The following PBX1 variants were observed in gnomAD, a reference collection of about 807,000 sequenced individuals.
The protein encoded by PBX1 is pre-B-cell leukemia transcription factor 1.
PBX1 carries 6 observed loss-of-function variants against 53.4 expected under a neutral mutation model. The observed-to-expected ratio is 0.11, with a 90% CI of 0.06 to 0.22. PBX1 has a LOEUF of 0.22. PBX1 is among the 10% of genes least tolerant of loss of function. The pLI is 1.00. For missense variants in PBX1, 251 were observed against 551.4 expected (o/e 0.46, Z 5.46); for synonymous variants, 204 against 212.3 (o/e 0.96, Z 0.34).
intron 2 of PBX1, among the ~76,000 whole-genome samples, chr1:164,587,098 T>C (rs1448178706): frequency 6.6e-6 from 1 of 152,210 alleles, no homozygotes; most frequent in Non-Finnish European, 1.5e-5. Flanking sequence ...TGTGTGTGTG[T>C]CCCTGTTTCT....
At chr1:164,799,949 C>T (rs1231374418) in intron 4 of PBX1, 60 bp downstream of exon 4, 1 of 1,467,912 alleles carries the variant, frequency 6.8e-7, no homozygotes, top group Admixed American at 1.8e-5. Flanking sequence ...GGGCTGGAGT[C>T]CACAGCCGCT....
intron 1 of PBX1, chr1:164,560,228 A>T: frequency 2.1e-6 from 1 of 483,358 alleles, no homozygotes; most frequent in Non-Finnish European, 3.7e-6. Context: ...GGCTGTGTAC[A>T]TATTTGTGTG....
At chr1:164,885,320 T>C (rs1672752813) in intron 2 of PBX1, among the ~76,000 whole-genome samples, 2 of 152,154 alleles carry the variant, frequency 1.3e-5, no homozygotes, top group Admixed American at 1.3e-4. Context: ...CAAAACACAT[T>C]GATAAAGTTA....
intron 2 of PBX1, among the ~76,000 whole-genome samples, chr1:164,734,347 A>C (rs1197283931): frequency 6.6e-6 from 1 of 152,224 alleles, no homozygotes; most frequent in Non-Finnish European, 1.5e-5. Flanking sequence ...AATACAGAAA[A>C]TATAAAAACT....
intron 2 of PBX1, among the ~76,000 whole-genome samples, chr1:164,632,054 A>G (rs933882567): frequency 7.2e-5 from 11 of 152,198 alleles, no homozygotes; most frequent in African/African-American, 2.4e-4. Flanking sequence ...TCTGACCCTT[A>G]GCATCATTTT....
intron 2 of PBX1, among the ~76,000 whole-genome samples, chr1:164,866,913 G>A (rs539998369): frequency 2.0e-5 from 3 of 152,216 alleles, no homozygotes; most frequent in Admixed American, 6.5e-5. Context: ...CCCAATCTGT[G>A]GGACCTGACT....
intron 2 of PBX1, among the ~76,000 whole-genome samples, chr1:164,571,480 C>T (rs539782314): frequency 1.7e-4 from 26 of 152,118 alleles, no homozygotes; most frequent in African/African-American, 5.8e-4. Context: ...CTGTTTAGCA[C>T]GTTTTCGAGG....
chr1:164,575,287 A>G (rs1654141702), intron 2 of PBX1, among the ~76,000 whole-genome samples: 1 of 152,222 alleles, frequency 6.6e-6, no homozygotes, highest in East Asian at 1.9e-4. Flanking sequence ...TACTGAAATA[A>G]TTTCTGTTTC....
At chr1:164,832,998 T>C (rs1210079560) in intron 8 of PBX1, among the ~76,000 whole-genome samples, 4 of 152,020 alleles carry the variant, frequency 2.6e-5, no homozygotes, top group African/African-American at 9.7e-5. Context: ...GAGAGAAAAT[T>C]AACAGGCCAA....
At chr1:164,714,866 A>C (rs1663997554) in intron 2 of PBX1, among the ~76,000 whole-genome samples, 1 of 152,206 alleles carries the variant, frequency 6.6e-6, no homozygotes, top group Non-Finnish European at 1.5e-5. Flanking sequence ...TGGAGCTAGG[A>C]TATTCTACCT....
chr1:164,740,375 A>T (rs1557977854), intron 2 of PBX1, among the ~76,000 whole-genome samples: 1 of 152,190 alleles, frequency 6.6e-6, no homozygotes, highest in Non-Finnish European at 1.5e-5. Flanking sequence ...AATAAAAAAA[A>T]AATGAAAAGA....
chr1:164,708,358 G>C (rs1269718005), intron 2 of PBX1, among the ~76,000 whole-genome samples: 2 of 150,410 alleles, frequency 1.3e-5, no homozygotes, highest in Admixed American at 1.3e-4. Context: ...TGGGCTAAGT[G>C]CTTTACACAT....
chr1:164,756,926 A>G (rs1666559619), intron 2 of PBX1, among the ~76,000 whole-genome samples: 1 of 152,252 alleles, frequency 6.6e-6, no homozygotes, highest in South Asian at 2.1e-4. Flanking sequence ...TTTATGAAGC[A>G]ACTCATTAAA....
chr1:164,702,376 G>T (rs1663171575), intron 2 of PBX1, among the ~76,000 whole-genome samples: 1 of 152,172 alleles, frequency 6.6e-6, no homozygotes, highest in Admixed American at 6.5e-5. Flanking sequence ...AGATGTCATT[G>T]TATTGACTCA....
intron 2 of PBX1, among the ~76,000 whole-genome samples, chr1:164,774,224 T>C (rs1667536468): frequency 1.3e-5 from 2 of 152,202 alleles, no homozygotes; most frequent in Non-Finnish European, 2.9e-5. Context: ...CAGGGTTCTT[T>C]GGGAAGCTTC....
chr1:164,779,488 A>G (rs1253041945), intron 2 of PBX1, among the ~76,000 whole-genome samples: 2 of 152,214 alleles, frequency 1.3e-5, no homozygotes, highest in Non-Finnish European at 2.9e-5. Context: ...CTGTCACTGA[A>G]CATAAGTGGA....
intron 2 of PBX1, among the ~76,000 whole-genome samples, chr1:164,607,008 G>A (rs1257095635): frequency 6.6e-6 from 1 of 152,234 alleles, no homozygotes; most frequent in Non-Finnish European, 1.5e-5. Context: ...AGAGGTTGCT[G>A]AAGAGCAAGT....
At chr1:164,624,067 C>T (rs1657876806) in intron 2 of PBX1, among the ~76,000 whole-genome samples, 1 of 152,198 alleles carries the variant, frequency 6.6e-6, no homozygotes, top group Non-Finnish European at 1.5e-5. Flanking sequence ...TTATAGGTAG[C>T]ATTGCTGTCT....
chr1:164,758,213 G>A (rs538316513), intron 2 of PBX1, among the ~76,000 whole-genome samples: 46 of 152,236 alleles, frequency 3.0e-4, no homozygotes, highest in East Asian at 9.6e-4. Context: ...ATCTGTGAGC[G>A]GAACGTTGTG....
Sources: gnomAD v4.1 joint callset for allele counts (sites outside exome capture counted in the v4.1 genomes callset) on GRCh38, gnomAD v4.1.1 for gene constraint, MANE v1.5 for transcripts, NCBI Gene and HGNC (gene_info 2026-07-23, HGNC 2026-07-21) for gene names.